MARK2: variants seen among roughly 807,000 people sequenced by gnomAD.
The protein encoded by MARK2 is serine/threonine-protein kinase MARK2.
MARK2 carries 16 observed loss-of-function variants against 89.8 expected under a neutral mutation model. That is an observed-to-expected ratio of 0.18 (90% confidence interval 0.12 to 0.27). The LOEUF (loss-of-function observed/expected upper bound fraction) is 0.27. Among genes scored for constraint, MARK2 ranks in the 10% least tolerant of loss-of-function variants. The probability of loss-of-function intolerance (pLI) is 1.00; values close to 1 mark genes in which losing one functional copy is unlikely to be tolerated. For missense variants in MARK2, 621 were observed against 1,049.9 expected, an observed-to-expected ratio of 0.59 and a Z score of 5.65; for synonymous variants, 382 against 399.5, an observed-to-expected ratio of 0.96 and a Z score of 0.52.
At chr11:63,859,555 G>A (rs1322405313) in intron 1 of MARK2, among the ~76,000 whole-genome samples, 3 of 151,828 alleles carry the variant, frequency 2.0e-5, no homozygotes, top group Non-Finnish European at 4.4e-5. Context: ...TCCTGACCTC[G>A]TGATCCACCC....
chr11:63,888,502 AG>A lies in MARK2; in HGVS notation c.55-6653del. 3 of 988,872 alleles carry A rather than the reference AG, an allele frequency of 3.0e-6. No individual in the cohort carries two copies. The African/African-American group carries it at 5.3e-5, about 18-fold the overall frequency. The allele number at this position is 988,872 out of a possible 1,614,324, so 61.3% of individuals were successfully genotyped here. ...CACTTCCGGGGAGGGGGGGAGGGGG[AG>A]GGGAGAAGGAAGTTGATCTAAACCC... is the stretch of plus-strand genomic sequence containing the variant. On this transcript the variant is annotated intron_variant, in intron 1 of 18. Transcript: ENST00000402010.
intron 1 of MARK2, among the ~76,000 whole-genome samples, chr11:63,884,768 ACT>A (rs1388783714): frequency 6.6e-6 from 1 of 152,086 alleles, no homozygotes; most frequent in East Asian, 1.9e-4. Context: ...TGGTTTATTG[ACT>A]CTTGGCAGTT....
chr11:63,904,281 C>CTGT lies in MARK2; in HGVS notation c.1676+134_1676+135insTGT. On this transcript the variant is annotated intron_variant, in intron 15 of 18. Transcript: ENST00000402010. This position sits in a 1 kb window ranked among gnomAD's most constrained non-coding sequence, Gnocchi z 6.3. ...TTAGCCACAAGAAATGGGTCTGTCC[C>CTGT]CTGCGGCCAGGAAGTGGAGGGAACA... 1.3e-6 allele frequency: 1 copy of CTGT among 758,302 alleles called. No homozygotes were observed. Among genetic ancestry groups the CTGT allele is most frequent in the Non-Finnish European group, 2.0e-6 (1 of 490,952 alleles). 47.0% of individuals were successfully genotyped at this position (758,302 alleles called of 1,614,324 possible).
intron 11 of MARK2, 88 bp downstream of exon 11, chr11:63,901,157 C>T (rs1940832955): frequency 2.3e-6 from 2 of 851,518 alleles, no homozygotes; most frequent in African/African-American, 3.3e-5. Flanking sequence ...GGCAGAAGCT[C>T]ATCTCTGAGT....
In MARK2 at chr11:63,839,448, C is replaced by G; in HGVS notation, c.-59C>G. 5 of 1,096,214 alleles carry G rather than the reference C, an allele frequency of 4.6e-6. No homozygotes were observed. The highest frequency in any genetic ancestry group is 6.7e-6 in the Non-Finnish European group (5 of 749,280). The allele number at this position is 1,096,214 out of a possible 1,614,324, so 67.9% of individuals were successfully genotyped here. A position where few individuals can be genotyped will look rare whatever the true frequency, so the allele number is the denominator to read the frequency against. ...AAGCCCCGCCCGGCCGGGCTCCGCG[C>G]CTTCCCTTCCCTCCCTTCCTCCAAG... On this transcript the variant is annotated 5_prime_UTR_variant, in exon 1 of 19. Coordinates refer to ENST00000402010, the MANE Select transcript of MARK2 (RefSeq NM_001039469.3).
At chr11:63,884,694 A>C (rs891111811) in intron 1 of MARK2, among the ~76,000 whole-genome samples, 1 of 152,210 alleles carries the variant, frequency 6.6e-6, no homozygotes, top group Non-Finnish European at 1.5e-5. Flanking sequence ...GGGTGGGAGC[A>C]TCCAGGCTTT....
intron 1 of MARK2, among the ~76,000 whole-genome samples, chr11:63,890,887 A>G (rs895696269): frequency 9.2e-5 from 14 of 152,242 alleles, no homozygotes; most frequent in African/African-American, 2.4e-5. Flanking sequence ...TGGGGGAGCC[A>G]GGGCTTGAAC....
In MARK2 at chr11:63,848,612, G is replaced by A. The variant is rs2016400439; in HGVS notation, c.54+9052G>A. Among the ~76,000 whole-genome samples the A allele has an allele frequency of 3.3e-5, 5 of 149,990 alleles. No individual in the cohort carries two copies. In the South Asian group the frequency reaches 8.5e-4, roughly 26 times the overall value. Reference sequence around the variant, plus strand: ...GTCGCCCAGGCTGGAGTGCAGTGGCGCGATCTCAGCTCACTGCAAGCTCTG... The same window carrying A: ...GTCGCCCAGGCTGGAGTGCAGTGGCACGATCTCAGCTCACTGCAAGCTCTG... On this transcript the variant is annotated intron_variant, in intron 1 of 18. Coordinates refer to ENST00000402010, the MANE Select transcript of MARK2 (RefSeq NM_001039469.3).
At chr11:63,886,447 C>CA (rs1193807021) in intron 1 of MARK2, among the ~76,000 whole-genome samples, 2 of 146,146 alleles carry the variant, frequency 1.4e-5, no homozygotes, top group Non-Finnish European at 3.0e-5. Flanking sequence ...TTTTTTGAGA[C>CA]AGAGTCTCAC....
intron 3 of MARK2, among the ~76,000 whole-genome samples, 164 bp downstream of exon 3, chr11:63,895,797 G>C (rs986750837): frequency 2.0e-5 from 3 of 151,174 alleles, no homozygotes; most frequent in African/African-American, 7.3e-5. Context: ...AGCCTCCCGA[G>C]TAGCTGGGAT....
intron 1 of MARK2, among the ~76,000 whole-genome samples, chr11:63,881,952 T>C (rs996545478): frequency 2.6e-5 from 4 of 151,992 alleles, no homozygotes; most frequent in African/African-American, 4.8e-5. Context: ...CAAGACTTCA[T>C]CTCACAAAAG....
rs548904904 is a variant in MARK2, at chr11:63,839,470, C to T, written c.-37C>T. On this transcript the variant is annotated 5_prime_UTR_variant, in exon 1 of 19. Coordinates refer to ENST00000402010, the MANE Select transcript of MARK2 (RefSeq NM_001039469.3). ...GCGCCTTCCCTTCCCTCCCTTCCTC[C>T]AAGCTTCTCGGTTCCCTCCCCCGAG... 1.4e-5 allele frequency: 20 copies of T among 1,421,204 alleles called. 1 individual carries two copies. Among genetic ancestry groups the T allele is most frequent in the East Asian group, 1.3e-4 (5 of 38,520 alleles). 88.0% of individuals were successfully genotyped at this position (1,421,204 alleles called of 1,614,324 possible).
intron 1 of MARK2, chr11:63,888,564 C>A: frequency 9.1e-7 from 1 of 1,095,490 alleles, no homozygotes. Flanking sequence ...CCCTATTCCC[C>A]TCCTGCCCCT....
intron 1 of MARK2, among the ~76,000 whole-genome samples, chr11:63,850,268 C>G (rs2016503161): frequency 6.6e-6 from 1 of 151,850 alleles, no homozygotes; most frequent in Admixed American, 6.6e-5. Context: ...CCTGCCTCAG[C>G]CTCCCAAGTA....
chr11:63,842,256 C>T (rs1477537243), intron 1 of MARK2, among the ~76,000 whole-genome samples: 8 of 145,008 alleles, frequency 5.5e-5, no homozygotes, highest in African/African-American at 1.0e-4. Context: ...CTCGTTCTGT[C>T]GCCAGGCTGG....
intron 1 of MARK2, among the ~76,000 whole-genome samples, chr11:63,862,328 C>T (rs1156717036): frequency 6.6e-6 from 1 of 152,156 alleles, no homozygotes; most frequent in African/African-American, 2.4e-5. Flanking sequence ...CCCAGGTGGT[C>T]CAGAGTATGT....
At position 63,839,524 on chromosome 11, in the gene MARK2, C is replaced by A; in HGVS notation, c.18C>A (p.Thr6=). 6.5e-7 allele frequency: 1 copy of A among 1,537,426 alleles called. No homozygotes were observed. Among genetic ancestry groups the A allele is most frequent in the East Asian group, 2.6e-5 (1 of 38,714 alleles). The change falls in exon 1 of 19, where the codon ACC becomes ACA. Residue 6 remains threonine, a synonymous_variant. Coordinates refer to ENST00000402010, the MANE Select transcript of MARK2 (RefSeq NM_001039469.3). MSSAR[T]PLPTLNERDT... ...CCGGCGCCATGTCCAGCGCTCGGAC[C>A]CCCCTACCCACGCTGAACGAGAGGG... is the stretch of plus-strand genomic sequence containing the variant.
chr11:63,900,816 G>A lies in MARK2; in HGVS notation c.925G>A (p.Glu309Lys). ...AGATCGATGGATGAATGTGGGTCAC[G>A]AAGATGATGAACTAAAGCCTTACGT... ...MKDRWMNVGH[E>K]DDELKPYVEP... Residue 309 changes from glutamate (E) to lysine (K), a missense_variant, in exon 10 of 19, where the codon GAA becomes AAA. Physicochemically the swap from Glu to Lys is moderately conservative, Grantham distance 56 (BLOSUM62 1). Coordinates refer to ENST00000402010, the MANE Select transcript of MARK2 (RefSeq NM_001039469.3). This position sits in a 1 kb window ranked among gnomAD's most constrained non-coding sequence, Gnocchi z 4.7. 6.2e-7 allele frequency: 1 copy of A among 1,614,136 alleles called. No homozygotes were observed. The highest frequency in any genetic ancestry group is 8.5e-7 in the Non-Finnish European group (1 of 1,180,020).
At chr11:63,857,297 G>C (rs562173421) in intron 1 of MARK2, among the ~76,000 whole-genome samples, 2 of 152,272 alleles carry the variant, frequency 1.3e-5, no homozygotes, top group South Asian at 4.1e-4. Context: ...CTTCCCAGTA[G>C]CTGGGATTAT....
Sources: allele counts gnomAD v4.1 joint callset (sites outside exome capture counted in the v4.1 genomes callset), GRCh38; gene constraint gnomAD v4.1.1; non-coding constraint Gnocchi (gnomAD v3.1); transcripts MANE v1.5; gene names NCBI Gene and HGNC (gene_info 2026-07-23, HGNC 2026-07-21).